E2F7: variants seen among roughly 807,000 people sequenced by gnomAD.
The protein encoded by E2F7 is E2F transcription factor 7.
Under a neutral mutation model 81.1 loss-of-function variants are expected in E2F7, and 35 were observed. The ratio of observed to expected loss-of-function variants is 0.43; its 90% CI spans 0.33 to 0.57. The LOEUF is 0.57. E2F7 is among the 20% of genes least tolerant of loss of function. The pLI is 0.04. For synonymous variants in E2F7, 416 were observed against 416.2 expected, an observed-to-expected ratio of 1.00 and a Z score of 0.01; for missense variants, 961 against 1,093.7, an observed-to-expected ratio of 0.88 and a Z score of 1.71.
chr12:77,029,004 TTC>T (rs1954782011), intron 10 of E2F7, among the ~76,000 whole-genome samples: 1 of 152,182 alleles, frequency 6.6e-6, no homozygotes, highest in Non-Finnish European at 1.5e-5. Flanking sequence ...TGAAATATAT[TTC>T]TGAGCTAGTA....
intron 2 of E2F7, among the ~76,000 whole-genome samples, chr12:77,060,065 T>C (rs537843610): frequency 5.9e-5 from 9 of 152,084 alleles, no homozygotes; most frequent in African/African-American, 2.2e-4. Flanking sequence ...TGTGACTGTA[T>C]TGCAGCTCCA....
chr12:77,025,530 A>G, intron 12 of E2F7, 28 bp downstream of exon 12: 1 of 1,608,498 alleles, frequency 6.2e-7, no homozygotes, highest in African/African-American at 1.3e-5. Flanking sequence ...CCAGAGTGAC[A>G]GTGTCTTCAG....
chr12:77,041,619 G>A (rs1295336374), intron 7 of E2F7, among the ~76,000 whole-genome samples: 2 of 151,926 alleles, frequency 1.3e-5, no homozygotes, highest in Admixed American at 1.3e-4. Context: ...AATTTTTGAG[G>A]CCTTCCAAAA....
chr12:77,027,089 C>G (rs1247844509), intron 11 of E2F7, among the ~76,000 whole-genome samples: 1 of 152,086 alleles, frequency 6.6e-6, no homozygotes, highest in African/African-American at 2.4e-5. Flanking sequence ...AAGATACTTA[C>G]TAAAGAAATA....
At chr12:77,035,894 T>C (rs528684098) in intron 7 of E2F7, among the ~76,000 whole-genome samples, 64 of 84,516 alleles carry the variant, frequency 7.6e-4, no homozygotes, top group African/African-American at 2.1e-3. Flanking sequence ...ATCAAACTTC[T>C]AGAGATTAAA....
At position 77,056,142 on chromosome 12, in the gene E2F7, AAG is replaced by A. The variant is rs1565912166; in HGVS notation, c.94-14_94-13del. ...ACAAATATATTTTCCTATTTTAAAAAAGAAACTTTTAGCAAGAATGAGAAAGG... is the reference window on the plus strand; with the variant it reads ...ACAAATATATTTTCCTATTTTAAAAAAAACTTTTAGCAAGAATGAGAAAGG... On this transcript the variant is annotated splice_polypyrimidine_tract_variant and intron_variant, in intron 2 of 12. Coordinates refer to ENST00000322886, the MANE Select transcript of E2F7 (RefSeq NM_203394.3). The A allele has an allele frequency of 2.5e-6, 4 of 1,580,396 alleles. No homozygotes were observed. The South Asian group carries it at 3.6e-5, about 14-fold the overall frequency.
intron 2 of E2F7, among the ~76,000 whole-genome samples, chr12:77,060,189 A>C (rs769355604): frequency 3.9e-5 from 6 of 152,106 alleles, no homozygotes. Flanking sequence ...CTGCTTCAGG[A>C]AATCTAACCT....
At chr12:77,064,404 AAAAG>A in intron 2 of E2F7, 135 bp downstream of exon 2, 1 of 729,884 alleles carries the variant, frequency 1.4e-6, no homozygotes. Context: ...CTATTTTTAA[AAAAG>A]AATGTTTCTA....
chr12:77,032,646 CA>C (rs1303231026), intron 9 of E2F7, among the ~76,000 whole-genome samples: 1 of 152,140 alleles, frequency 6.6e-6, no homozygotes, highest in Non-Finnish European at 1.5e-5. Context: ...TGTAAAACCT[CA>C]AAGGATTGCT....
chr12:77,064,415 TC>T (rs1313040436), intron 2 of E2F7, 127 bp downstream of exon 2: 8 of 745,820 alleles, frequency 1.1e-5, no homozygotes, highest in Non-Finnish European at 1.7e-5. Context: ...AAAGAATGTT[TC>T]TATAATGTTT....
At chr12:77,032,779 G>A (rs541862092) in intron 9 of E2F7, among the ~76,000 whole-genome samples, 2 of 152,222 alleles carry the variant, frequency 1.3e-5, no homozygotes, top group African/African-American at 2.4e-5. Context: ...ATTTCTCAGG[G>A]TCATGTTAAT....
Position 77,046,038 on chromosome 12 carries a change from A to T in E2F7, c.829T>A (p.Ser277Thr). 6.2e-7 allele frequency: 1 copy of T among 1,612,938 alleles called. No individual in the cohort carries two copies. Among genetic ancestry groups the T allele is most frequent in the East Asian group, 2.2e-5 (1 of 44,864 alleles). Reference protein sequence around the residue: ...LDFSEPDCPSSSANSRKDKSL... With the variant: ...LDFSEPDCPSTSANSRKDKSL... ...ACTCATGAAGTTACAATGGACTCAC[A>T]AGAGGGACAGTCGGGTTCAGAGAAA... Residue 277 changes from serine to threonine, a missense_variant and splice_region_variant, in exon 5 of 13, where the codon TCA (serine) becomes ACA (threonine). Transcript: ENST00000322886.
chr12:77,032,134 T>C (rs1248888319), intron 9 of E2F7, among the ~76,000 whole-genome samples: 1 of 152,184 alleles, frequency 6.6e-6, no homozygotes, highest in East Asian at 1.9e-4. Context: ...AAATGCTCTG[T>C]TCTGTGGCCT....
chr12:77,029,739 C>T (rs887636002), intron 10 of E2F7, 92 bp downstream of exon 10: 2 of 1,542,170 alleles, frequency 1.3e-6, no homozygotes, highest in Admixed American at 1.9e-5. Flanking sequence ...ATATTCCAGA[C>T]TCCATTGCTT....
In E2F7 at chr12:77,025,599, CG is replaced by C; in HGVS notation, c.2523del (p.Val842PhefsTer9). The C allele has an allele frequency of 6.2e-7, 1 of 1,614,168 alleles. No individual in the cohort carries two copies. Among genetic ancestry groups the C allele is most frequent in the Non-Finnish European group, 8.5e-7 (1 of 1,180,044 alleles). ...ACTGAGACTGGATGTCCCACGTAAA[CG>C]GGGGACTCAGGTTGTTGGACGACAC... ...SHSVVQQPESPVYVGHPVSVV... is the reference protein window; with the variant it reads ...SHSVVQQPESXVYVGHPVSVV... On this transcript the variant is annotated frameshift_variant, in exon 12 of 13. Coordinates refer to ENST00000322886, the MANE Select transcript of E2F7 (RefSeq NM_203394.3). LOFTEE classifies it low-confidence loss of function (END_TRUNC).
chr12:77,042,935 G>A lies in E2F7; in HGVS notation c.1123+130C>T, dbSNP rs536075537. On this transcript the variant is annotated intron_variant, in intron 7 of 12. Transcript: ENST00000322886. ...GGCTAATGTTAACTGTTCCAAGAGT[G>A]GAGTCACTAGTCTATTTTGTATGTG... 1.1e-5 allele frequency: 15 copies of A among 1,393,118 alleles called. No individual in the cohort carries two copies. The East Asian group carries it at 3.3e-4, about 30-fold the overall frequency. The allele number at this position is 1,393,118 out of a possible 1,614,324, so 86.3% of individuals were successfully genotyped here.
In E2F7 at chr12:77,025,847, A is replaced by G. The variant is rs1386746407; in HGVS notation, c.2276T>C (p.Leu759Pro). The G allele has an allele frequency of 1.2e-6, 2 of 1,614,076 alleles. No individual in the cohort carries two copies. Among genetic ancestry groups the G allele is most frequent in the East Asian group, 2.2e-5 (1 of 44,882 alleles). The change falls in exon 12 of 13, where the codon CTC (leucine) becomes CCC (proline). Residue 759 changes from leucine to proline, a missense_variant. Around this residue, in one of 3 missense-constraint regions of E2F7, gnomAD observed 587 missense variants for 620.3 expected, o/e 0.95. Coordinates refer to ENST00000322886, the MANE Select transcript of E2F7 (RefSeq NM_203394.3). ...PSPPLGPFPV[L>P]YSPAMPGPVS... is the part of the protein sequence containing the mutation. ...CGGGCCCGGCATTGCAGGAGAATAG[A>G]GAACAGGAAAAGGGCCCAGAGGTGG...
chr12:77,046,777 T>C (rs1378128171), intron 4 of E2F7, among the ~76,000 whole-genome samples: 1 of 152,212 alleles, frequency 6.6e-6, no homozygotes, highest in Non-Finnish European at 1.5e-5. Context: ...TAACTGACAC[T>C]TCCCTATTAG....
intron 3 of E2F7, among the ~76,000 whole-genome samples, chr12:77,051,864 T>A (rs1954992033): frequency 6.6e-6 from 1 of 152,180 alleles, no homozygotes; most frequent in Admixed American, 6.5e-5. Context: ...TGGAAAGTAA[T>A]CAGCTACTTT....
Sources: gnomAD v4.1 joint callset for allele counts (sites outside exome capture counted in the v4.1 genomes callset) on GRCh38, gnomAD v4.1.1 for gene constraint, gnomAD v4.1.1 regional missense constraint, MANE v1.5 for transcripts, NCBI Gene and HGNC (gene_info 2026-07-23, HGNC 2026-07-21) for gene names.